Variants in ST8SIA4 observed in about 807,000 individuals in gnomAD.
ST8SIA4 encodes the protein ST8 alpha-N-acetyl-neuraminide alpha-2,8-sialyltransferase 4.
ST8SIA4 carries 15 observed loss-of-function variants against 33.9 expected under a neutral mutation model. The ratio of observed to expected loss-of-function variants is 0.44; its 90% CI spans 0.30 to 0.68. ST8SIA4 has a LOEUF of 0.68. ST8SIA4 is among the 30% of genes least tolerant of loss of function. The probability of loss-of-function intolerance (pLI) is 0.10; values close to 1 mark genes in which losing one functional copy is unlikely to be tolerated. For missense variants in ST8SIA4, 321 were observed against 428.0 expected, an observed-to-expected ratio of 0.75 and a Z score of 2.21; for synonymous variants, 171 against 151.2, an observed-to-expected ratio of 1.13 and a Z score of -0.96.
intron 3 of ST8SIA4, among the ~76,000 whole-genome samples, chr5:100,860,779 G>A (rs923201282): frequency 6.6e-6 from 1 of 152,156 alleles, no homozygotes; most frequent in African/African-American, 2.4e-5. Context: ...TGTGATAAAT[G>A]TCTATAAATT....
Position 100,830,049 on chromosome 5 carries a change from T to C in ST8SIA4, c.798-17920A>G, listed in dbSNP as rs191781989. Among the ~76,000 whole-genome samples, 27 of 152,280 alleles carry C rather than the reference T, an allele frequency of 1.8e-4. 1 individual carries two copies. Among genetic ancestry groups the C allele is most frequent in the Admixed American group, 1.6e-3 (25 of 15,306 alleles). On this transcript the variant is annotated intron_variant, in intron 4 of 4. Coordinates refer to ENST00000231461, the MANE Select transcript of ST8SIA4 (RefSeq NM_005668.6). ...ATTATTTATGTTTCATTTTTAAGAG[T>C]ATACTCATGTTATTTTTGCAATCTT... is the stretch of plus-strand genomic sequence containing the variant.
At chr5:100,814,617 G>A (rs745515763) in intron 4 of ST8SIA4, among the ~76,000 whole-genome samples, 9 of 151,810 alleles carry the variant, frequency 5.9e-5, no homozygotes, top group Non-Finnish European at 8.8e-5. Flanking sequence ...CACTAAGTAG[G>A]CAATAAGTAA....
chr5:100,874,558 T>C (rs562270979), intron 3 of ST8SIA4, among the ~76,000 whole-genome samples: 2 of 152,036 alleles, frequency 1.3e-5, no homozygotes, highest in East Asian at 1.9e-4. Context: ...TCTATATTTC[T>C]CTGCCTGTCA....
At chr5:100,879,656 T>A (rs568872126) in intron 3 of ST8SIA4, among the ~76,000 whole-genome samples, 1 of 152,192 alleles carries the variant, frequency 6.6e-6, no homozygotes, top group Non-Finnish European at 1.5e-5. Context: ...AATTGTTTCA[T>A]AAGATACATT....
At chr5:100,851,256 C>T (rs1031428736) in intron 4 of ST8SIA4, among the ~76,000 whole-genome samples, 4 of 151,712 alleles carry the variant, frequency 2.6e-5, no homozygotes, top group African/African-American at 4.8e-5. Flanking sequence ...CCACCATGCC[C>T]GGCCTATTGT....
Position 100,903,238 on chromosome 5 carries a change from G to A in ST8SIA4, c.-283C>T, listed in dbSNP as rs1437457708. On this transcript the variant is annotated 5_prime_UTR_variant, in exon 1 of 5. Coordinates refer to ENST00000231461, the MANE Select transcript of ST8SIA4 (RefSeq NM_005668.6). Reference sequence around the variant, plus strand: ...TTTCTTTTCAGATGAGACACCTTGTGCATTGGAGGTGGCGGCAGCTTCTGC... The same window carrying A: ...TTTCTTTTCAGATGAGACACCTTGTACATTGGAGGTGGCGGCAGCTTCTGC... The A allele has an allele frequency of 2.4e-6, 1 of 414,266 alleles. No individual in the cohort carries two copies. The highest frequency in any genetic ancestry group is 2.0e-5 in the African/African-American group (1 of 49,030). The allele number at this position is 414,266 out of a possible 1,614,324, so 25.7% of individuals were successfully genotyped here.
chr5:100,831,411 A>T (rs1751256746), intron 4 of ST8SIA4, among the ~76,000 whole-genome samples: 1 of 152,198 alleles, frequency 6.6e-6, no homozygotes, highest in Non-Finnish European at 1.5e-5. Flanking sequence ...AAATACTAAA[A>T]TTATACCTTG....
chr5:100,867,068 T>C (rs1752082388), intron 3 of ST8SIA4, among the ~76,000 whole-genome samples: 2 of 152,240 alleles, frequency 1.3e-5, no homozygotes, highest in South Asian at 4.1e-4. Context: ...TAATAGATAT[T>C]TGAATCATAA....
chr5:100,877,285 T>C (rs970880645), intron 3 of ST8SIA4, among the ~76,000 whole-genome samples: 1 of 152,188 alleles, frequency 6.6e-6, no homozygotes, highest in African/African-American at 2.4e-5. Context: ...TTACTGAAAT[T>C]TTGTAATAAT....
intron 4 of ST8SIA4, chr5:100,849,045 A>C: frequency 6.3e-6 from 5 of 788,984 alleles, no homozygotes; most frequent in Non-Finnish European, 7.7e-6. Flanking sequence ...AGAGAAAATG[A>C]CTTTAAAGAA....
intron 4 of ST8SIA4, among the ~76,000 whole-genome samples, chr5:100,822,895 A>T (rs11741369): frequency 6.6e-6 from 1 of 151,904 alleles, no homozygotes; most frequent in Non-Finnish European, 1.5e-5. Context: ...ACTTTGGGAG[A>T]CCGAGGCGGG....
At chr5:100,833,432 T>C (rs1751300667) in intron 4 of ST8SIA4, among the ~76,000 whole-genome samples, 1 of 152,118 alleles carries the variant, frequency 6.6e-6, no homozygotes, top group South Asian at 2.1e-4. Flanking sequence ...TGTGCATTTT[T>C]ATTGTAAAAG....
intron 4 of ST8SIA4, among the ~76,000 whole-genome samples, chr5:100,837,032 C>T (rs1402185158): frequency 7.3e-6 from 1 of 137,078 alleles, no homozygotes; most frequent in African/African-American, 3.1e-5. Context: ...ACACACACAC[C>T]GTAATACCTG....
rs145473445 is a variant in ST8SIA4 at position 100,812,038 on chromosome 5, G to A, written c.889C>T (p.Leu297=). Residue 297 remains leucine, a synonymous_variant, in exon 5 of 5, where the codon CTG becomes TTG. Transcript: ENST00000231461. ...LATRFCDEIH[L]YGFWPFPKDL... is the part of the protein sequence containing the mutation. ...TTAGGGAAGGGCCAGAATCCATACA[G>A]GTGAATTTCATCACAGAATCTTGTG... 77 of 1,613,974 alleles carry A rather than the reference G, an allele frequency of 4.8e-5. No homozygotes were observed. The highest frequency in any genetic ancestry group is 6.4e-5 in the Non-Finnish European group (76 of 1,179,984).
chr5:100,848,554 TATATA>T (rs989942719), intron 4 of ST8SIA4, among the ~76,000 whole-genome samples: 1 of 150,132 alleles, frequency 6.7e-6, no homozygotes, highest in Non-Finnish European at 1.5e-5. Context: ...CATAGAATTG[TATATA>T]ATATATTAAT....
chr5:100,870,910 T>C (rs1311561399), intron 3 of ST8SIA4, among the ~76,000 whole-genome samples: 1 of 152,128 alleles, frequency 6.6e-6, no homozygotes, highest in Non-Finnish European at 1.5e-5. Flanking sequence ...ATGAATAAGG[T>C]ATTAAGCAAA....
At chr5:100,816,693 A>T in intron 4 of ST8SIA4, 2 of 450,762 alleles carry the variant, frequency 4.4e-6, no homozygotes, top group South Asian at 1.7e-5. Context: ...GTTATATTAT[A>T]AGCAAAGTTT....
At chr5:100,872,182 A>C (rs1004805861) in intron 3 of ST8SIA4, among the ~76,000 whole-genome samples, 3 of 152,034 alleles carry the variant, frequency 2.0e-5, no homozygotes, top group Non-Finnish European at 4.4e-5. Flanking sequence ...ATTCTTTTTA[A>C]AAAATCTTAT....
At chr5:100,891,518 G>A (rs1298387235) in intron 2 of ST8SIA4, among the ~76,000 whole-genome samples, 1 of 151,894 alleles carries the variant, frequency 6.6e-6, no homozygotes, top group East Asian at 1.9e-4. Flanking sequence ...GCAGTTATGG[G>A]AAAGACATCT....
Sources: allele counts gnomAD v4.1 joint callset (sites outside exome capture counted in the v4.1 genomes callset), GRCh38; gene constraint gnomAD v4.1.1; transcripts MANE v1.5; gene names NCBI Gene and HGNC (gene_info 2026-07-23, HGNC 2026-07-21).